Variants in G3BP2 observed in about 807,000 individuals in gnomAD.
The protein encoded by G3BP2 is G3BP stress granule assembly factor 2.
G3BP2 carries 11 observed loss-of-function variants against 56.7 expected under a neutral mutation model. That is an observed-to-expected ratio of 0.19 (90% CI 0.12 to 0.32). The LOEUF is 0.32. Ranked by LOEUF, G3BP2 falls within the 10% of genes least tolerant of loss-of-function variation. The pLI, the probability that G3BP2 is intolerant of heterozygous loss-of-function variation, is 1.00. For synonymous variants in G3BP2, 165 were observed against 191.6 expected (o/e 0.86, Z 1.15); for missense variants, 340 against 610.9 (o/e 0.56, Z 4.67).
chr4:75,690,740 T>G (rs1718821723), intron 3 of G3BP2, among the ~76,000 whole-genome samples: 2 of 151,950 alleles, frequency 1.3e-5, no homozygotes, highest in African/African-American at 4.8e-5. Context: ...CATGGCAAAT[T>G]TTTTGTAGAG....
intron 3 of G3BP2, among the ~76,000 whole-genome samples, chr4:75,694,568 C>T (rs1456437105): frequency 6.6e-6 from 1 of 152,232 alleles, no homozygotes; most frequent in Non-Finnish European, 1.5e-5. Context: ...CGCGCCACTG[C>T]ACTCCAGCCT....
In G3BP2 at chr4:75,673,292, C is replaced by G. The variant is rs1733659849; in HGVS notation, c.-109G>C. ...GGGTGCGGCGGGTTCTTATTGCTCG[C>G]CGCCCCCTTCCTCCGACAACTCGGA... is the stretch of plus-strand genomic sequence containing the variant. On this transcript the variant is annotated 5_prime_UTR_variant, in exon 1 of 12. Coordinates refer to ENST00000359707, the MANE Select transcript of G3BP2 (RefSeq NM_203505.3). 16 of 1,227,996 alleles carry G rather than the reference C, an allele frequency of 1.3e-5. No individual in the cohort carries two copies. The highest frequency in any genetic ancestry group is 1.5e-5 in the Non-Finnish European group (15 of 985,880). 76.1% of individuals were successfully genotyped at this position (1,227,996 alleles called of 1,614,324 possible). A position where few individuals can be genotyped will look rare whatever the true frequency, so the allele number is the denominator to read the frequency against.
chr4:75,691,929 T>G (rs192978497), intron 3 of G3BP2, among the ~76,000 whole-genome samples: 101 of 152,276 alleles, frequency 6.6e-4, no homozygotes, highest in African/African-American at 2.3e-3. Context: ...ATTGAAAGAA[T>G]TTTTAGTGAT....
At chr4:75,649,475 C>T (rs938937977) in intron 8 of G3BP2, among the ~76,000 whole-genome samples, 1 of 152,094 alleles carries the variant, frequency 6.6e-6, no homozygotes, top group African/African-American at 2.4e-5. Flanking sequence ...TTTAAGATGC[C>T]TCCCAAAAGT....
chr4:75,668,229 C>T (rs1191689940), intron 1 of G3BP2, among the ~76,000 whole-genome samples: 1 of 152,166 alleles, frequency 6.6e-6, no homozygotes, highest in African/African-American at 2.4e-5. Context: ...GCTTCATTAT[C>T]CTACAATGAA....
chr4:75,677,934 C>T (rs1022600588), upstream of G3BP2, among the ~76,000 whole-genome samples: 5 of 152,154 alleles, frequency 3.3e-5, no homozygotes, highest in African/African-American at 7.2e-5. Context: ...GAATGGAATT[C>T]GTGTGCTCAT....
chr4:75,695,950 G>A (rs1006786911), intron 3 of G3BP2, among the ~76,000 whole-genome samples: 4 of 138,536 alleles, frequency 2.9e-5, no homozygotes, highest in Non-Finnish European at 4.5e-5. Flanking sequence ...CTCCAGACTG[G>A]GCCACAAGAG....
intron 3 of G3BP2, among the ~76,000 whole-genome samples, chr4:75,684,445 T>A (rs1181941650): frequency 6.6e-6 from 1 of 151,582 alleles, no homozygotes. Flanking sequence ...ATAAAAATCA[T>A]AAATAAAAAA....
At chr4:75,715,099 C>A (rs1277246900) in intron 3 of G3BP2, among the ~76,000 whole-genome samples, 5 of 152,202 alleles carry the variant, frequency 3.3e-5, no homozygotes, top group Non-Finnish European at 4.4e-5. Context: ...TGGTCTGTAT[C>A]ATGCTGAAGT....
At chr4:75,688,034 T>C (rs1487025778) in intron 3 of G3BP2, among the ~76,000 whole-genome samples, 1 of 152,196 alleles carries the variant, frequency 6.6e-6, no homozygotes, top group African/African-American at 2.4e-5. Context: ...GTGCTGCCCA[T>C]GGTCACTGAA....
At chr4:75,721,363 A>T (rs1332394167) in intron 2 of G3BP2, among the ~76,000 whole-genome samples, 1 of 149,184 alleles carries the variant, frequency 6.7e-6, no homozygotes, top group East Asian at 2.0e-4. Context: ...ATCCTCCCAC[A>T]CCCTCCCAAG....
intron 11 of G3BP2, 91 bp from the exon 12 acceptor site, chr4:75,645,793 G>C: frequency 8.4e-7 from 1 of 1,193,394 alleles, no homozygotes. Flanking sequence ...TAAGCATAAG[G>C]AATAAAACAC....
Position 75,673,217 on chromosome 4 carries a change from A to G in G3BP2, c.-34T>C. ...CGGCGCCCGTACACACCTCCAGCCA[A>G]CGGCGGCGGCGGGTACGTCGCGCGG... On this transcript the variant is annotated 5_prime_UTR_variant, in exon 1 of 12. Transcript: ENST00000359707. 1 of 1,209,966 alleles carries G rather than the reference A, an allele frequency of 8.3e-7. No homozygotes were observed. The highest frequency in any genetic ancestry group is 1.0e-6 in the Non-Finnish European group (1 of 974,230). 75.0% of individuals were successfully genotyped at this position (1,209,966 alleles called of 1,614,324 possible). A position where few individuals can be genotyped will look rare whatever the true frequency, so the allele number is the denominator to read the frequency against.
rs1322373807 is a variant in G3BP2 at position 75,693,785 on chromosome 4, C to T, written c.-25+27092G>A. Among the ~76,000 whole-genome samples, 11 of 118,854 alleles carry T rather than the reference C, an allele frequency of 9.3e-5. No homozygotes were observed. The East Asian group carries it at 2.3e-3, about 24-fold the overall frequency. The allele number at this position is 118,854 out of a possible 152,430, so 78.0% of individuals were successfully genotyped here. ...GCCTGGTGACAAAGCAAGACTCCGT[C>T]TAAAAAAAAAAAAAAAGAGCTGGAC... On this transcript the variant is annotated intron_variant, in intron 3 of 3. Transcript: ENST00000499709.
chr4:75,644,591 C>A lies in G3BP2; in HGVS notation c.*839G>T, dbSNP rs1461403329. On this transcript the variant is annotated 3_prime_UTR_variant, in exon 12 of 12. Coordinates refer to ENST00000359707, the MANE Select transcript of G3BP2 (RefSeq NM_203505.3). ...AAAAATACAGTAAAGACAATTTTCA[C>A]TGTACACAGCTTAAAGAAAGGAAAA... The A allele has an allele frequency of 1.3e-5, 2 of 152,564 alleles. No homozygotes were observed. Among genetic ancestry groups the A allele is most frequent in the Non-Finnish European group, 2.9e-5 (2 of 68,036 alleles). The allele number at this position is 152,564 out of a possible 1,614,324, so 9.5% of individuals were successfully genotyped here.
intron 1 of G3BP2, chr4:75,672,623 G>C (rs1188463629): frequency 6.6e-6 from 1 of 152,160 alleles, no homozygotes; most frequent in Non-Finnish European, 1.5e-5. Flanking sequence ...CTTCAAACCC[G>C]GATTCTGTTT....
intron 9 of G3BP2, among the ~76,000 whole-genome samples, chr4:75,647,963 T>C (rs1222043335): frequency 6.6e-6 from 1 of 152,182 alleles, no homozygotes; most frequent in Non-Finnish European, 1.5e-5. Flanking sequence ...ACTTACTTAA[T>C]ACCTAAGAAT....
At chr4:75,646,517 T>C in intron 10 of G3BP2, 61 bp from the exon 11 acceptor site, 2 of 955,932 alleles carry the variant, frequency 2.1e-6, no homozygotes, top group Middle Eastern at 2.1e-4. Context: ...TTGATGGCTC[T>C]AATTGTTCAG....
chr4:75,673,231 T>C lies in G3BP2; in HGVS notation c.-48A>G. ...ACCTCCAGCCAACGGCGGCGGCGGGTACGTCGCGCGGAGGTCAGAAGAGTC... is the reference window on the plus strand; with the variant it reads ...ACCTCCAGCCAACGGCGGCGGCGGGCACGTCGCGCGGAGGTCAGAAGAGTC... On this transcript the variant is annotated 5_prime_UTR_variant, in exon 1 of 12. Transcript: ENST00000359707. The C allele has an allele frequency of 8.2e-7, 1 of 1,216,302 alleles. No homozygotes were observed. The highest frequency in any genetic ancestry group is 1.0e-6 in the Non-Finnish European group (1 of 978,372). 75.3% of individuals were successfully genotyped at this position (1,216,302 alleles called of 1,614,324 possible).
Sources: allele counts gnomAD v4.1 joint callset (sites outside exome capture counted in the v4.1 genomes callset), GRCh38; gene constraint gnomAD v4.1.1; transcripts MANE v1.5; gene names NCBI Gene and HGNC (gene_info 2026-07-23, HGNC 2026-07-21).